DLG2: variants seen among roughly 807,000 people sequenced by gnomAD.
DLG2 encodes discs large MAGUK scaffold protein 2, also known as disks large homolog 2.
DLG2 carries 45 observed loss-of-function variants against 132.5 expected under a neutral mutation model. The observed-to-expected ratio is 0.34, with a 90% CI of 0.27 to 0.44. The LOEUF is 0.44. Ranked by LOEUF, DLG2 falls within the 20% of genes least tolerant of loss-of-function variation. The pLI, the probability that DLG2 is intolerant of heterozygous loss-of-function variation, is 1.00. For missense variants in DLG2, 1,045 were observed against 1,196.9 expected, an observed-to-expected ratio of 0.87 and a Z score of 1.87; for synonymous variants, 424 against 419.6, an observed-to-expected ratio of 1.01 and a Z score of -0.13.
intron 5 of DLG2, among the ~76,000 whole-genome samples, chr11:85,117,590 C>T (rs1269906377): frequency 7.4e-6 from 1 of 135,812 alleles, no homozygotes; most frequent in Non-Finnish European, 1.6e-5. Flanking sequence ...GATCAATAAC[C>T]AACTAGTAAA....
chr11:84,371,256 A>T (rs1031404831), intron 7 of DLG2, among the ~76,000 whole-genome samples: 23 of 140,810 alleles, frequency 1.6e-4, no homozygotes, highest in Non-Finnish European at 3.1e-4. Flanking sequence ...TAGTATACAA[A>T]ATCTTTTTTT....
chr11:83,920,627 T>C (rs1167286769), intron 15 of DLG2, among the ~76,000 whole-genome samples: 1 of 152,176 alleles, frequency 6.6e-6, no homozygotes, highest in Non-Finnish European at 1.5e-5. Flanking sequence ...ACAAATATAA[T>C]GATAGCTAAA....
intron 8 of DLG2, among the ~76,000 whole-genome samples, chr11:84,198,523 ACAATGTTATATTTAC>A (rs2096552021): frequency 6.6e-6 from 1 of 152,198 alleles, no homozygotes; most frequent in Non-Finnish European, 1.5e-5. Flanking sequence ...AAATACTATT[ACAATGTTATATTTAC>A]CAGGTAATGT....
intron 3 of DLG2, among the ~76,000 whole-genome samples, chr11:85,332,324 C>T (rs1478362478): frequency 3.3e-5 from 5 of 152,002 alleles, no homozygotes; most frequent in African/African-American, 1.2e-4. Flanking sequence ...CTGTTTCTTG[C>T]TTGTTGATTT....
chr11:85,095,852 C>T (rs1227842), intron 6 of DLG2, among the ~76,000 whole-genome samples: 100,943 of 152,016 alleles, frequency 0.66, 34,388 homozygotes, highest in East Asian at 0.93. Context: ...TTGGCATGTT[C>T]ACTCCCAAAT....
intron 7 of DLG2, among the ~76,000 whole-genome samples, chr11:84,342,831 C>T (rs1035146585): frequency 2.6e-5 from 4 of 152,174 alleles, no homozygotes; most frequent in East Asian, 1.9e-4. Context: ...GCGCCAACAC[C>T]GATAATATCA....
intron 11 of DLG2, among the ~76,000 whole-genome samples, chr11:84,027,835 T>C (rs2095580176): frequency 6.6e-6 from 1 of 152,032 alleles, no homozygotes; most frequent in African/African-American, 2.4e-5. Context: ...ACACAAAGAT[T>C]TGTAAAATAA....
chr11:84,381,427 G>A (rs1229176401), intron 7 of DLG2, among the ~76,000 whole-genome samples: 2 of 151,990 alleles, frequency 1.3e-5, no homozygotes, highest in African/African-American at 4.8e-5. Flanking sequence ...ACTCATAGAT[G>A]CAAAAACACT....
At chr11:83,821,048 G>C (rs1323783388) in intron 17 of DLG2, among the ~76,000 whole-genome samples, 1 of 152,192 alleles carries the variant, frequency 6.6e-6, no homozygotes, top group Non-Finnish European at 1.5e-5. Context: ...CATCACCTAT[G>C]AACACCTGTG....
intron 6 of DLG2, among the ~76,000 whole-genome samples, chr11:84,748,229 C>A (rs752574479): frequency 6.6e-6 from 1 of 152,134 alleles, no homozygotes; most frequent in African/African-American, 2.4e-5. Context: ...AGATTCTCTA[C>A]AAAAATCTGC....
intron 5 of DLG2, among the ~76,000 whole-genome samples, chr11:85,150,885 A>G (rs2077205217): frequency 6.6e-6 from 1 of 152,018 alleles, no homozygotes; most frequent in African/African-American, 2.4e-5. Flanking sequence ...TCTTTTGGAT[A>G]TTTACCCAGA....
At chr11:84,205,031 CATAG>C (rs1252237845) in intron 8 of DLG2, among the ~76,000 whole-genome samples, 3 of 152,054 alleles carry the variant, frequency 2.0e-5, no homozygotes, top group African/African-American at 7.2e-5. Context: ...AATTAAAAAA[CATAG>C]ATAGAAATTA....
chr11:83,748,877 CT>C (rs1161364632), intron 18 of DLG2, among the ~76,000 whole-genome samples: 3 of 152,056 alleles, frequency 2.0e-5, no homozygotes, highest in Admixed American at 6.6e-5. Context: ...ATTTTACAAG[CT>C]TTTTTTGCCA....
chr11:83,742,247 G>A (rs568445336), intron 18 of DLG2, among the ~76,000 whole-genome samples: 9 of 125,306 alleles, frequency 7.2e-5, no homozygotes, highest in East Asian at 4.1e-4. Context: ...ACACACAGAC[G>A]TAACTGTTAG....
intron 4 of DLG2, among the ~76,000 whole-genome samples, chr11:85,191,457 C>G (rs563787417): frequency 6.6e-6 from 1 of 152,180 alleles, no homozygotes; most frequent in East Asian, 1.9e-4. Flanking sequence ...CCACACAACT[C>G]AAGATCTATG....
chr11:83,836,581 G>C (rs1176452730), intron 16 of DLG2, among the ~76,000 whole-genome samples: 1 of 152,160 alleles, frequency 6.6e-6, no homozygotes, highest in East Asian at 1.9e-4. Context: ...GGCCCACCCA[G>C]ATAATTTTCC....
At chr11:84,692,733 G>C (rs1193030085) in intron 6 of DLG2, among the ~76,000 whole-genome samples, 3 of 151,496 alleles carry the variant, frequency 2.0e-5, no homozygotes, top group Admixed American at 6.6e-5. Flanking sequence ...TCTTAACCAG[G>C]CTTCACTGGC....
In DLG2 at chr11:84,059,473, C is replaced by A. The variant is rs756922095; in HGVS notation, c.761G>T (p.Cys254Phe). ...AEDGRLRVNDCILRVNEVDVS... is the reference protein window; with the variant it reads ...AEDGRLRVNDFILRVNEVDVS... ...ATCAACCTCATTCACCCGCAAGATA[C>A]AATCATTGACCCTGCAAGGAAGGAA... The change falls in exon 11 of 28, where the codon TGT becomes TTT. Residue 254 changes from cysteine (C) to phenylalanine (F), a missense_variant. Cys to Phe is a radical substitution (Grantham distance 205). Around this residue, in one of 4 missense-constraint regions of DLG2, gnomAD observed 109 missense variants for 159.1 expected, o/e 0.69. Coordinates refer to ENST00000376104, the MANE Select transcript of DLG2 (RefSeq NM_001142699.3). The A allele has an allele frequency of 1.3e-6, 2 of 1,594,182 alleles. No individual in the cohort carries two copies. The highest frequency in any genetic ancestry group is 1.1e-5 in the South Asian group (1 of 87,618).
chr11:84,807,438 C>A (rs971874714), intron 6 of DLG2, among the ~76,000 whole-genome samples: 2 of 151,970 alleles, frequency 1.3e-5, no homozygotes, highest in East Asian at 3.9e-4. Flanking sequence ...AAGAGTGAAA[C>A]TCCATCTCAA....
Sources: allele counts gnomAD v4.1 joint callset (sites outside exome capture counted in the v4.1 genomes callset), GRCh38; gene constraint gnomAD v4.1.1; regional missense constraint gnomAD v4.1.1; transcripts MANE v1.5; gene names NCBI Gene and HGNC (gene_info 2026-07-23, HGNC 2026-07-21).